TMBIM4: variants seen among roughly 807,000 people sequenced by gnomAD.
TMBIM4 encodes transmembrane BAX inhibitor motif containing 4, also known as protein lifeguard 4.
Under a neutral mutation model 27.7 loss-of-function variants are expected in TMBIM4, and 28 were observed. The observed-to-expected ratio is 1.01, with a 90% confidence interval of 0.75 to 1.38. The LOEUF is 1.38. Ranked by LOEUF, TMBIM4 falls within the 40% of genes most tolerant of loss-of-function variation. The probability of loss-of-function intolerance (pLI) is 0.00; values close to 1 mark genes in which losing one functional copy is unlikely to be tolerated. For synonymous variants in TMBIM4, 115 were observed against 113.1 expected (o/e 1.02, Z -0.11); for missense variants, 265 against 277.5 (o/e 0.95, Z 0.32).
chr12:66,168,183 T>C (rs1460639531), intron 1 of TMBIM4, among the ~76,000 whole-genome samples: 1 of 148,690 alleles, frequency 6.7e-6, no homozygotes, highest in Non-Finnish European at 1.5e-5. Context: ...ATCTCACCAC[T>C]GCACTCCAGC....
intron 3 of TMBIM4, among the ~76,000 whole-genome samples, chr12:66,151,761 A>AT (rs2051848527): frequency 6.6e-6 from 1 of 152,224 alleles, no homozygotes; most frequent in Admixed American, 6.5e-5. Flanking sequence ...TCTCCCAACT[A>AT]TAATTTTGAA....
chr12:66,160,853 C>T (rs991027385), intron 1 of TMBIM4, among the ~76,000 whole-genome samples: 1 of 145,922 alleles, frequency 6.9e-6, no homozygotes, highest in East Asian at 2.1e-4. Context: ...TTGGCAGAGT[C>T]GCTCCTCACA....
chr12:66,149,519 T>C (rs2051810313), intron 3 of TMBIM4, among the ~76,000 whole-genome samples: 1 of 151,724 alleles, frequency 6.6e-6, no homozygotes, highest in Non-Finnish European at 1.5e-5. Context: ...ACTATATTCT[T>C]GCTATTTATG....
chr12:66,150,809 T>C (rs932702969), intron 3 of TMBIM4, among the ~76,000 whole-genome samples: 7 of 152,076 alleles, frequency 4.6e-5, no homozygotes, highest in African/African-American at 1.7e-4. Flanking sequence ...CAATGGGTCA[T>C]ATAAAAATTA....
chr12:66,137,780 AAG>A lies in TMBIM4; in HGVS notation c.*178_*179del. 1 of 572,122 alleles carries A rather than the reference AAG, an allele frequency of 1.7e-6. No homozygotes were observed. The highest frequency in any genetic ancestry group is 3.1e-6 in the Non-Finnish European group (1 of 326,666). 35.4% of individuals were successfully genotyped at this position (572,122 alleles called of 1,614,324 possible). A position where few individuals can be genotyped will look rare whatever the true frequency, so the allele number is the denominator to read the frequency against. On this transcript the variant is annotated 3_prime_UTR_variant, in exon 7 of 7. Coordinates refer to ENST00000358230, the MANE Select transcript of TMBIM4 (RefSeq NM_016056.4). ...GAAATGAGGTATCATAAAGAATAGTAAGATTTTAAAGCTCTCAAAATTACATA... is the reference window on the plus strand; with the variant it reads ...GAAATGAGGTATCATAAAGAATAGTAATTTTAAAGCTCTCAAAATTACATA...
Position 66,138,009 on chromosome 12 carries a change from T to C in TMBIM4, c.668A>G (p.Asn223Ser), listed in dbSNP as rs926560609. The C allele has an allele frequency of 2.8e-5, 45 of 1,614,142 alleles. No individual in the cohort carries two copies. Among genetic ancestry groups the C allele is most frequent in the Non-Finnish European group, 3.5e-5 (41 of 1,180,012 alleles). Residue 223 changes from asparagine to serine, a missense_variant, in exon 7 of 7, where the codon AAT (asparagine) becomes AGT (serine). By Grantham distance (46) the Asn-to-Ser change is conservative. Coordinates refer to ENST00000358230, the MANE Select transcript of TMBIM4 (RefSeq NM_016056.4). ...AAACCGTAACAGGTGCAGGAATAGA[T>C]TGATGATATCCAAGTAGAGGCTGAT... is the stretch of plus-strand genomic sequence containing the variant. ...AAISLYLDII[N>S]LFLHLLRFLE... is the part of the protein sequence containing the mutation.
At chr12:66,157,667 T>C (rs1420973729) in intron 1 of TMBIM4, among the ~76,000 whole-genome samples, 1 of 152,088 alleles carries the variant, frequency 6.6e-6, no homozygotes, top group Non-Finnish European at 1.5e-5. Flanking sequence ...AAGAAACTGT[T>C]TGTAGAAAGT....
At chr12:66,152,906 G>C (rs1157343039) in intron 2 of TMBIM4, among the ~76,000 whole-genome samples, 1 of 151,536 alleles carries the variant, frequency 6.6e-6, no homozygotes, top group Non-Finnish European at 1.5e-5. Context: ...ATTCATCCCT[G>C]ATTAAAGATC....
intron 2 of TMBIM4, among the ~76,000 whole-genome samples, chr12:66,153,139 T>TA (rs1204339473): frequency 1.3e-5 from 2 of 152,074 alleles, no homozygotes; most frequent in Non-Finnish European, 2.9e-5. Context: ...AAACTAAAGC[T>TA]AAAAAGTTCA....
intron 5 of TMBIM4, among the ~76,000 whole-genome samples, chr12:66,143,347 C>A (rs1343455163): frequency 6.6e-6 from 1 of 152,148 alleles, no homozygotes; most frequent in African/African-American, 2.4e-5. Context: ...TCCCTCTCAA[C>A]AAGAAGCACA....
intron 4 of TMBIM4, among the ~76,000 whole-genome samples, chr12:66,146,678 TA>T (rs2051757384): frequency 6.6e-6 from 1 of 152,140 alleles, no homozygotes; most frequent in Non-Finnish European, 1.5e-5. Context: ...TGCAAAGTTA[TA>T]ACCTCTTGGA....
intron 1 of TMBIM4, chr12:66,169,402 A>G (rs2052193974): frequency 1.7e-6 from 1 of 583,248 alleles, no homozygotes; most frequent in African/African-American, 1.9e-5. Flanking sequence ...CTAGCACAGG[A>G]CGGTAAATAT....
intron 1 of TMBIM4, chr12:66,160,993 G>A (rs1216186263): frequency 6.6e-6 from 1 of 151,526 alleles, no homozygotes; most frequent in Non-Finnish European, 1.5e-5. Flanking sequence ...TCACTTCCCA[G>A]ACCGGGCAGC....
intron 5 of TMBIM4, among the ~76,000 whole-genome samples, chr12:66,140,097 G>C (rs1180562393): frequency 6.6e-6 from 1 of 151,902 alleles, no homozygotes; most frequent in Non-Finnish European, 1.5e-5. Flanking sequence ...ATAATGACCA[G>C]CATCCAATAA....
rs2051586846 is a variant in TMBIM4, at chr12:66,136,933, A to G, written c.*1027T>C. 1.3e-5 allele frequency: 2 copies of G among 152,318 alleles called. No homozygotes were observed. The highest frequency in any genetic ancestry group is 4.8e-5 in the African/African-American group (2 of 41,580). The allele number at this position is 152,318 out of a possible 1,614,324, so 9.4% of individuals were successfully genotyped here. On this transcript the variant is annotated 3_prime_UTR_variant, in exon 7 of 7. Coordinates refer to ENST00000358230, the MANE Select transcript of TMBIM4 (RefSeq NM_016056.4). ...GGACCAACACAAATGAAACCATAAG[A>G]CAATACTTCCCAAATATTTTAATTT...
intron 5 of TMBIM4, chr12:66,139,543 C>T (rs1040534223): frequency 2.3e-6 from 1 of 444,102 alleles, no homozygotes; most frequent in African/African-American, 2.0e-5. Flanking sequence ...AGAGGGTTTC[C>T]AGGCCAGCGT....
intron 1 of TMBIM4, among the ~76,000 whole-genome samples, chr12:66,155,983 G>A (rs144230963): frequency 3.2e-4 from 49 of 152,184 alleles, no homozygotes; most frequent in Admixed American, 6.5e-4. Context: ...AAAGAAACTC[G>A]TGCTAAGCCT....
intron 1 of TMBIM4, among the ~76,000 whole-genome samples, chr12:66,165,273 C>T (rs1049730906): frequency 6.6e-6 from 1 of 151,938 alleles, no homozygotes; most frequent in Non-Finnish European, 1.5e-5. Flanking sequence ...AAAAAAACAA[C>T]AAAGTTGGAG....
chr12:66,150,422 C>CCT (rs34910326), intron 3 of TMBIM4, among the ~76,000 whole-genome samples: 57,636 of 148,222 alleles, frequency 0.39, 12,437 homozygotes, highest in East Asian at 0.84. Flanking sequence ...CTCCCACCCC[C>CCT]CTTTCTTTTT....
Sources: allele counts gnomAD v4.1 joint callset (sites outside exome capture counted in the v4.1 genomes callset), GRCh38; gene constraint gnomAD v4.1.1; transcripts MANE v1.5; gene names NCBI Gene and HGNC (gene_info 2026-07-23, HGNC 2026-07-21).